The following DNAH8 variants were observed in gnomAD, a reference collection of about 807,000 sequenced individuals.
DNAH8 encodes axonemal beta dynein heavy chain 8.
In DNAH8, 382 loss-of-function variants were observed where a neutral mutation model predicts 562.1. The ratio of observed to expected loss-of-function variants is 0.68; its 90% CI spans 0.63 to 0.74. The LOEUF (loss-of-function observed/expected upper bound fraction) is 0.74, where lower values mean the gene tolerates loss of function less well. DNAH8 is among the 30% of genes least tolerant of loss of function. The pLI is 0.00. For missense variants in DNAH8, 5,203 were observed against 5,620.4 expected (o/e 0.93, Z 2.37); for synonymous variants, 1,881 against 1,919.4 (o/e 0.98, Z 0.52).
chr6:38,837,692 C>T (rs1774414790), intron 32 of DNAH8, among the ~76,000 whole-genome samples: 1 of 152,080 alleles, frequency 6.6e-6, no homozygotes, highest in Non-Finnish European at 1.5e-5. Context: ...AAATATAGGC[C>T]TTCTGGAGAA....
At chr6:38,752,969 T>C (rs955589105) in intron 9 of DNAH8, among the ~76,000 whole-genome samples, 4 of 152,128 alleles carry the variant, frequency 2.6e-5, no homozygotes, top group African/African-American at 4.8e-5. Flanking sequence ...GGGGTACATG[T>C]GCAGGTTTGT....
intron 26 of DNAH8, among the ~76,000 whole-genome samples, chr6:38,818,536 G>GAAAAAAAA (rs1562891460): frequency 1.2e-4 from 2 of 17,216 alleles, no homozygotes; most frequent in African/African-American, 3.0e-4. Flanking sequence ...AAAAGCAAAA[G>GAAAAAAAA]CAAAAAAAAA....
At chr6:39,014,537 A>G (rs530237296) in intron 91 of DNAH8, among the ~76,000 whole-genome samples, 1 of 152,340 alleles carries the variant, frequency 6.6e-6, no homozygotes, top group East Asian at 1.9e-4. Context: ...TAAGACAGAC[A>G]CATCAGCAAC....
In DNAH8 at chr6:38,775,928, A is replaced by G. The variant is rs1319298414; in HGVS notation, c.1939A>G (p.Met647Val). 7 of 1,611,994 alleles carry G rather than the reference A, an allele frequency of 4.3e-6. No homozygotes were observed. In the East Asian group the frequency reaches 8.9e-5, roughly 21 times the overall value. ...ATTTGACACAGATTTCTTAGATTTC[A>G]TGACAAAAATCAATGGTTTAGAGGT... ...TEFDTDFLDF[M>V]TKINGLEVQI... is the part of the protein sequence containing the mutation. The change falls in exon 13 of 93, where the codon ATG becomes GTG. Residue 647 changes from methionine (M) to valine (V), a missense_variant. This residue lies in a region of DNAH8 where 2,176 missense variants were observed against 2,365.1 expected (regional missense o/e 0.92). Coordinates refer to ENST00000327475, the MANE Select transcript of DNAH8 (RefSeq NM_001206927.2).
chr6:38,829,929 T>C (rs1773687375), intron 30 of DNAH8, among the ~76,000 whole-genome samples: 2 of 152,320 alleles, frequency 1.3e-5, no homozygotes, highest in African/African-American at 4.8e-5. Flanking sequence ...CATTTCTAGG[T>C]TGCCTGTTCA....
rs114597106 is a variant in DNAH8, at chr6:38,829,433, G to A, written c.4188+1145G>A. Among the ~76,000 whole-genome samples, 87 of 152,206 alleles carry A rather than the reference G, an allele frequency of 5.7e-4. 1 individual carries two copies. Among genetic ancestry groups the A allele is most frequent in the African/African-American group, 1.9e-3 (81 of 41,560 alleles). On this transcript the variant is annotated intron_variant, in intron 30 of 92. Coordinates refer to ENST00000327475, the MANE Select transcript of DNAH8 (RefSeq NM_001206927.2). ...CAATCTAGAGTTACAAAGATTTACT[G>A]CCATGTTTTCTTATGAGAGTTTTAT...
rs765893238 is a variant in DNAH8 at position 38,926,219 on chromosome 6, C to T, written c.11118+9C>T. 7.4e-6 allele frequency: 12 copies of T among 1,611,644 alleles called. No homozygotes were observed. In the African/African-American group the frequency reaches 1.5e-4, roughly 20 times the overall value. On this transcript the variant is annotated intron_variant, in intron 74 of 92. Transcript: ENST00000327475. ...AAGAAAATGATTTACAGGTATGTAG[C>T]ATTTGGTGCAGGGGAAAGTAATCTT...
intron 52 of DNAH8, among the ~76,000 whole-genome samples, chr6:38,874,078 T>TTCTTTCTTTCTTTC (rs1777737095): frequency 3.1e-5 from 2 of 63,690 alleles, no homozygotes; most frequent in Admixed American, 2.1e-4. Context: ...TTTTCTTTCT[T>TTCTTTCTTTCTTTC]TCTTTCTTTC....
Position 38,909,616 on chromosome 6 carries a change from T to A in DNAH8, c.9612T>A (p.Ile3204=). ...GCCGCTGGCCAAGGGAGGCTCTGAT[T>A]GCTGTGGCCTCCTACTTCCTTTCAG... The part of the protein sequence containing the change: ...WFSRWPREAL[I]AVASYFLSDY... The change falls in exon 65 of 93, where the codon ATT becomes ATA. Residue 3204 remains isoleucine, a synonymous_variant. Transcript: ENST00000327475. 1 of 1,614,194 alleles carries A rather than the reference T, an allele frequency of 6.2e-7. No homozygotes were observed. Among genetic ancestry groups the A allele is most frequent in the Non-Finnish European group, 8.5e-7 (1 of 1,179,992 alleles).
rs192065424 is a variant in DNAH8 at position 39,001,907 on chromosome 6, C to T, written c.13215-6907C>T. On this transcript the variant is annotated intron_variant, in intron 88 of 92. Coordinates refer to ENST00000327475, the MANE Select transcript of DNAH8 (RefSeq NM_001206927.2). ...AGGCAGTGGGGATGACGGTGGGTCA[C>T]GGGGAGGGGATGCTGGAAATGATTT... Among the ~76,000 whole-genome samples, 407 of 151,662 alleles carry T rather than the reference C, an allele frequency of 2.7e-3. 3 individuals are homozygous for T. Among genetic ancestry groups the T allele is most frequent in the African/African-American group, 4.6e-3 (190 of 41,346 alleles).
chr6:38,989,911 A>T, intron 87 of DNAH8, 101 bp from the exon 88 acceptor site: 1 of 649,244 alleles, frequency 1.5e-6, no homozygotes, highest in Non-Finnish European at 2.7e-6. Flanking sequence ...AATATTAAAA[A>T]CTCTGTTAAA....
At chr6:38,810,037 A>G (rs916748942) in intron 24 of DNAH8, among the ~76,000 whole-genome samples, 5 of 152,022 alleles carry the variant, frequency 3.3e-5, no homozygotes, top group African/African-American at 9.7e-5. Flanking sequence ...AATATTTTAT[A>G]CCTGATAATT....
chr6:38,918,861 C>T (rs1244062613), intron 70 of DNAH8, among the ~76,000 whole-genome samples: 1 of 152,118 alleles, frequency 6.6e-6, no homozygotes, highest in Non-Finnish European at 1.5e-5. Flanking sequence ...TAAGTGGTTG[C>T]TCTGTGGAAT....
intron 12 of DNAH8, among the ~76,000 whole-genome samples, chr6:38,770,832 G>T (rs1467950186): frequency 6.6e-6 from 1 of 152,032 alleles, no homozygotes; most frequent in African/African-American, 2.4e-5. Context: ...AACTTAAAAG[G>T]CTCTGCTTTT....
chr6:38,851,213 G>A (rs1319474573), intron 38 of DNAH8, among the ~76,000 whole-genome samples: 1 of 152,110 alleles, frequency 6.6e-6, no homozygotes, highest in Non-Finnish European at 1.5e-5. Flanking sequence ...TTAATGGTTA[G>A]TTGTCCTCCC....
At chr6:38,857,497 A>AT (rs1324309148) in intron 41 of DNAH8, 21 bp from the exon 42 acceptor site, 1 of 1,551,880 alleles carries the variant, frequency 6.4e-7, no homozygotes, top group South Asian at 1.2e-5. Context: ...AAATTTTAAT[A>AT]TTTTTCTGCT....
chr6:38,873,727 T>TAC (rs762717515), intron 52 of DNAH8, among the ~76,000 whole-genome samples: 8,930 of 96,284 alleles, frequency 0.093, 305 homozygotes, highest in East Asian at 0.27. Flanking sequence ...CACATACACC[T>TAC]ACACACACAC....
chr6:38,829,799 C>T (rs946909489), intron 30 of DNAH8, among the ~76,000 whole-genome samples: 1 of 152,200 alleles, frequency 6.6e-6, no homozygotes, highest in Non-Finnish European at 1.5e-5. Flanking sequence ...AATTTACCTT[C>T]TTAACCATTT....
chr6:38,976,999 C>T (rs1234043180), intron 85 of DNAH8, among the ~76,000 whole-genome samples: 1 of 152,140 alleles, frequency 6.6e-6, no homozygotes, highest in Admixed American at 6.5e-5. Flanking sequence ...TGTAAATTCT[C>T]CCTTGGAATC....
Sources: gnomAD v4.1 joint callset for allele counts (sites outside exome capture counted in the v4.1 genomes callset) on GRCh38, gnomAD v4.1.1 for gene constraint, gnomAD v4.1.1 regional missense constraint, MANE v1.5 for transcripts, NCBI Gene and HGNC (gene_info 2026-07-23, HGNC 2026-07-21) for gene names.